SNX9: variants seen among roughly 807,000 people sequenced by gnomAD.
SNX9 encodes sorting nexin-9.
Under a neutral mutation model 89.4 loss-of-function variants are expected in SNX9, and 44 were observed. That is an observed-to-expected ratio of 0.49 (90% CI 0.39 to 0.63). The LOEUF (loss-of-function observed/expected upper bound fraction) is 0.63. Ranked by LOEUF, SNX9 falls within the 30% of genes least tolerant of loss-of-function variation. The pLI, the probability that SNX9 is intolerant of heterozygous loss-of-function variation, is 0.00. For synonymous variants in SNX9, 236 were observed against 247.8 expected (o/e 0.95, Z 0.45); for missense variants, 578 against 736.1 (o/e 0.79, Z 2.49).
At position 157,894,106 on chromosome 6, in the gene SNX9, CT is replaced by C. The variant is rs746909411; in HGVS notation, c.301-2700del. Reference sequence around the variant, plus strand: ...TTCTTTTTCTTTTCGCTTTTCTTTTCTTTTTTTTTTTTTTTTTTTTTGAGAC... The same window carrying C: ...TTCTTTTTCTTTTCGCTTTTCTTTTCTTTTTTTTTTTTTTTTTTTTGAGAC... On this transcript the variant is annotated intron_variant, in intron 4 of 17. Transcript: ENST00000392185. Among the ~76,000 whole-genome samples the C allele has an allele frequency of 4.1e-3, 369 of 89,540 alleles. 1 individual carries two copies. Among genetic ancestry groups the C allele is most frequent in the African/African-American group, 0.01 (228 of 21,996 alleles). 58.7% of individuals were successfully genotyped at this position (89,540 alleles called of 152,430 possible). A position where few individuals can be genotyped will look rare whatever the true frequency, so the allele number is the denominator to read the frequency against.
At chr6:157,848,215 T>C (rs1239989956) in intron 1 of SNX9, among the ~76,000 whole-genome samples, 3 of 152,204 alleles carry the variant, frequency 2.0e-5, no homozygotes, top group African/African-American at 7.2e-5. Flanking sequence ...ACTAACTGCC[T>C]ATTCAATATG....
At chr6:157,924,052 G>A (rs1024948124) in intron 10 of SNX9, among the ~76,000 whole-genome samples, 5 of 152,044 alleles carry the variant, frequency 3.3e-5, no homozygotes, top group African/African-American at 7.3e-5. Context: ...ACAAAAATTC[G>A]CCAGGTGTGG....
At chr6:157,873,954 C>T (rs990799041) in intron 3 of SNX9, among the ~76,000 whole-genome samples, 2 of 152,296 alleles carry the variant, frequency 1.3e-5, no homozygotes, top group Middle Eastern at 3.4e-3. Context: ...CCCTCCAAAC[C>T]GAGCGAAGGT....
chr6:157,896,844 C>T lies in SNX9; in HGVS notation c.318C>T (p.Asp106=). ...CTCAATAGGTTGGCAGTGGCAATGA[C>T]CCCTGGTCAGCCTGGAGTGCCTCCA... ...SNNHQVGSGN[D]PWSAWSASKS... Residue 106 remains aspartate, a synonymous_variant, in exon 5 of 18, where the codon GAC becomes GAT. Transcript: ENST00000392185. The T allele has an allele frequency of 6.2e-7, 1 of 1,612,910 alleles. No homozygotes were observed. Among genetic ancestry groups the T allele is most frequent in the Non-Finnish European group, 8.5e-7 (1 of 1,179,740 alleles).
At chr6:157,891,280 C>A (rs1015937689) in intron 4 of SNX9, among the ~76,000 whole-genome samples, 1 of 152,084 alleles carries the variant, frequency 6.6e-6, no homozygotes, top group Non-Finnish European at 1.5e-5. Flanking sequence ...CCTCCTGCCT[C>A]AGCCTCCCAA....
At chr6:157,874,685 A>G in intron 3 of SNX9, 1 of 181,664 alleles carries the variant, frequency 5.5e-6, no homozygotes, top group South Asian at 1.2e-4. Flanking sequence ...TCTGAGCCAT[A>G]AAACATACCT....
At position 157,840,406 on chromosome 6, in the gene SNX9, ACTTT is replaced by A. The variant is rs369386039; in HGVS notation, c.12+16973_12+16976del. ...AAAATGACTGACTTTTACAAAAAATACTTTCTTTCTTTCTTTTCTTTCTTTTCTT... is the reference window on the plus strand; with the variant it reads ...AAAATGACTGACTTTTACAAAAAATACTTTCTTTCTTTTCTTTCTTTTCTT... On this transcript the variant is annotated intron_variant, in intron 1 of 17. Transcript: ENST00000392185. Among the ~76,000 whole-genome samples the A allele has an allele frequency of 3.7e-4, 48 of 129,034 alleles. 2 individuals carry two copies. The highest frequency in any genetic ancestry group is 1.4e-3 in the East Asian group (6 of 4,150). 84.7% of individuals were successfully genotyped at this position (129,034 alleles called of 152,430 possible).
intron 4 of SNX9, among the ~76,000 whole-genome samples, chr6:157,886,294 A>AT (rs1341790526): frequency 1.3e-5 from 2 of 152,198 alleles, no homozygotes; most frequent in African/African-American, 4.8e-5. Flanking sequence ...AGAATACAAC[A>AT]TAAAAAAAAA....
chr6:157,934,546 G>C (rs946350661), intron 13 of SNX9, among the ~76,000 whole-genome samples: 5 of 152,166 alleles, frequency 3.3e-5, no homozygotes, highest in African/African-American at 9.7e-5. Context: ...AGGAGCGGGT[G>C]CCTCAAGGTC....
At position 157,844,787 on chromosome 6, in the gene SNX9, A is replaced by G. The variant is rs367773692; in HGVS notation, c.12+21341A>G. 1.8e-4 allele frequency among the ~76,000 whole-genome samples: 28 copies of G among 151,536 alleles called. 1 individual carries two copies. The South Asian group carries it at 5.7e-3, about 31-fold the overall frequency. ...TTTTTGTGTTTTTAGTAGAGACAGC[A>G]TTTCACCGTGTTGGTCAGGCTGGTC... On this transcript the variant is annotated intron_variant, in intron 1 of 17. Coordinates refer to ENST00000392185, the MANE Select transcript of SNX9 (RefSeq NM_016224.5).
In SNX9 at chr6:157,876,321, A is replaced by G. The variant is rs144641619; in HGVS notation, c.300+1145A>G. 7.6e-4 allele frequency among the ~76,000 whole-genome samples: 116 copies of G among 152,230 alleles called. 1 individual carries two copies. The highest frequency in any genetic ancestry group is 1.5e-3 in the East Asian group (8 of 5,164). On this transcript the variant is annotated intron_variant, in intron 4 of 17. Coordinates refer to ENST00000392185, the MANE Select transcript of SNX9 (RefSeq NM_016224.5). ...ACAAAAATTAGCTAGGTGTGGTGGC[A>G]GGCACCTGTAATCCAAGCTGCTCGG...
At chr6:157,902,213 A>T (rs1304065234) in intron 6 of SNX9, among the ~76,000 whole-genome samples, 168 bp downstream of exon 6, 1 of 75,730 alleles carries the variant, frequency 1.3e-5, no homozygotes, top group African/African-American at 7.7e-5. Context: ...AAGCTTACTT[A>T]AAAAAAAAAA....
chr6:157,841,672 G>A (rs1781705802), intron 1 of SNX9, among the ~76,000 whole-genome samples: 1 of 152,120 alleles, frequency 6.6e-6, no homozygotes, highest in Non-Finnish European at 1.5e-5. Flanking sequence ...GTCATGTTGA[G>A]GAACTGGGAG....
In SNX9 at chr6:157,823,990, C is replaced by T. The variant is rs1038584523; in HGVS notation, c.12+544C>T. Among the ~76,000 whole-genome samples the T allele has an allele frequency of 7.9e-5, 12 of 152,230 alleles. No individual in the cohort carries two copies. The highest frequency in any genetic ancestry group is 1.8e-4 in the Non-Finnish European group (12 of 68,038). ...GGGACCGAGGCTGGGACGCCCCGCG[C>T]CCCTTTGCCTTCGCTGCTGTTATTT... On this transcript the variant is annotated intron_variant, in intron 1 of 17. Transcript: ENST00000392185. The surrounding 1 kb of genome is among the most constrained non-coding windows in gnomAD (Gnocchi z 4.6).
chr6:157,911,532 G>T (rs542184566), intron 9 of SNX9, among the ~76,000 whole-genome samples: 1 of 152,176 alleles, frequency 6.6e-6, no homozygotes, highest in Non-Finnish European at 1.5e-5. Context: ...GACACTTCCC[G>T]AGTGCCTCTC....
intron 1 of SNX9, among the ~76,000 whole-genome samples, chr6:157,846,970 C>T (rs946917665): frequency 3.9e-5 from 6 of 152,166 alleles, no homozygotes; most frequent in African/African-American, 1.4e-4. Context: ...TCACTTGAAC[C>T]TGGGAAGTGG....
intron 14 of SNX9, among the ~76,000 whole-genome samples, chr6:157,937,222 A>C (rs147175474): frequency 6.6e-6 from 1 of 152,252 alleles, no homozygotes; most frequent in Non-Finnish European, 1.5e-5. Flanking sequence ...CTTAAAAATT[A>C]CATGATGTTT....
At chr6:157,847,410 A>G (rs929004301) in intron 1 of SNX9, among the ~76,000 whole-genome samples, 1 of 152,156 alleles carries the variant, frequency 6.6e-6, no homozygotes, top group East Asian at 1.9e-4. Context: ...GCCTTGTAGT[A>G]CTTATTTTAA....
intron 4 of SNX9, among the ~76,000 whole-genome samples, chr6:157,876,026 T>C (rs1782512798): frequency 6.6e-6 from 1 of 152,064 alleles, no homozygotes; most frequent in African/African-American, 2.4e-5. Flanking sequence ...TGTTAACTGC[T>C]TACATCTTTA....
Sources: gnomAD v4.1 joint callset for allele counts (sites outside exome capture counted in the v4.1 genomes callset) on GRCh38, gnomAD v4.1.1 for gene constraint, Gnocchi (gnomAD v3.1) non-coding constraint, MANE v1.5 for transcripts, NCBI Gene and HGNC (gene_info 2026-07-23, HGNC 2026-07-21) for gene names.